ELP4: variants seen among roughly 807,000 people sequenced by gnomAD.
ELP4 encodes the protein elongator acetyltransferase complex subunit 4.
Under a neutral mutation model 48.9 loss-of-function variants are expected in ELP4, and 51 were observed. The observed-to-expected ratio is 1.04, with a 90% CI of 0.83 to 1.32. ELP4 has a LOEUF of 1.32. Ranked by LOEUF, ELP4 falls within the 40% of genes most tolerant of loss-of-function variation. ELP4 has a pLI of 0.00. For missense variants in ELP4, 519 were observed against 514.6 expected (o/e 1.01, Z -0.08); for synonymous variants, 210 against 189.2 (o/e 1.11, Z -0.90).
At chr11:31,653,536 C>T (rs778278172) in intron 9 of ELP4, 1 of 151,622 alleles carries the variant, frequency 6.6e-6, no homozygotes, top group Non-Finnish European at 1.5e-5. Flanking sequence ...TAAACAAAAG[C>T]TTTACTAAGA....
At chr11:31,678,381 C>T (rs975430879) in intron 9 of ELP4, among the ~76,000 whole-genome samples, 8 of 152,070 alleles carry the variant, frequency 5.3e-5, no homozygotes, top group African/African-American at 1.7e-4. Flanking sequence ...CCTAAAAGGT[C>T]AAGGTTGCAG....
intron 5 of ELP4, among the ~76,000 whole-genome samples, chr11:31,610,018 C>T (rs1348253483): frequency 4.6e-5 from 7 of 152,024 alleles, no homozygotes; most frequent in Admixed American, 1.3e-4. Flanking sequence ...TGCACTCCAG[C>T]CTGGGCAAAA....
rs572509835 is a variant in ELP4, at chr11:31,668,350, T to C, written c.1143+18129T>C. Reference sequence around the variant, plus strand: ...AACACCATCACATGAGGCAAAATTATTATATTCCTCAGACTACTTTTTTAC... The same window carrying C: ...AACACCATCACATGAGGCAAAATTACTATATTCCTCAGACTACTTTTTTAC... On this transcript the variant is annotated intron_variant, in intron 9 of 9. Transcript: ENST00000640961. Among the ~76,000 whole-genome samples the C allele has an allele frequency of 5.1e-4, 77 of 152,280 alleles. No homozygotes were observed. The South Asian group carries it at 0.015, about 29-fold the overall frequency.
chr11:31,684,016 A>G (rs1389028925), intron 9 of ELP4, among the ~76,000 whole-genome samples: 1 of 152,164 alleles, frequency 6.6e-6, no homozygotes, highest in African/African-American at 2.4e-5. Flanking sequence ...CTGGCATTCA[A>G]CGATGCTCTG....
rs150285948 is a variant in ELP4, at chr11:31,640,190, A to C, written c.928-7551A>C. 2.5e-4 allele frequency among the ~76,000 whole-genome samples: 38 copies of C among 152,074 alleles called. 1 individual carries two copies. Among genetic ancestry groups the C allele is most frequent in the African/African-American group, 8.9e-4 (37 of 41,534 alleles). On this transcript the variant is annotated intron_variant, in intron 7 of 9. Transcript: ENST00000640961. Reference sequence around the variant, plus strand: ...TTTTACATTATTTTTATCATAAACTATCTTCTATATCACTTTTTGTGTATA... The same window carrying C: ...TTTTACATTATTTTTATCATAAACTCTCTTCTATATCACTTTTTGTGTATA...
intron 2 of ELP4, among the ~76,000 whole-genome samples, chr11:31,529,692 G>T (rs1379079729): frequency 7.2e-5 from 11 of 152,090 alleles, no homozygotes; most frequent in Admixed American, 7.2e-4. Flanking sequence ...TCTCATATAG[G>T]AAAAGGAGGG....
intron 9 of ELP4, among the ~76,000 whole-genome samples, chr11:31,682,443 A>G (rs1436421657): frequency 2.0e-5 from 3 of 152,172 alleles, no homozygotes; most frequent in Admixed American, 6.5e-5. Flanking sequence ...ACATATTCAG[A>G]GTTGACTTCA....
chr11:31,549,734 A>T (rs1338624846), intron 3 of ELP4, among the ~76,000 whole-genome samples: 1 of 152,248 alleles, frequency 6.6e-6, no homozygotes, highest in Non-Finnish European at 1.5e-5. Context: ...CTTGGTACCT[A>T]CCCAAATGTC....
intron 3 of ELP4, among the ~76,000 whole-genome samples, chr11:31,548,937 A>G (rs547948390): frequency 2.0e-3 from 304 of 152,266 alleles, no homozygotes; most frequent in African/African-American, 7.0e-3. Flanking sequence ...AGCCATATGT[A>G]GAAAGCTGAA....
At chr11:31,515,940 C>T (rs761930797) in intron 1 of ELP4, among the ~76,000 whole-genome samples, 1 of 152,088 alleles carries the variant, frequency 6.6e-6, no homozygotes, top group African/African-American at 2.4e-5. Context: ...GAAACCCCGT[C>T]GCTACTAAAA....
chr11:31,758,888 G>A (rs988931918), intron 9 of ELP4, among the ~76,000 whole-genome samples: 5 of 151,912 alleles, frequency 3.3e-5, no homozygotes, highest in African/African-American at 1.2e-4. Flanking sequence ...AGCTGGTCTC[G>A]AAATCCTAAC....
intron 9 of ELP4, among the ~76,000 whole-genome samples, chr11:31,740,963 A>G (rs1478704572): frequency 6.6e-6 from 1 of 152,214 alleles, no homozygotes; most frequent in Non-Finnish European, 1.5e-5. Flanking sequence ...CGGGAAGTGC[A>G]AGGGGTCAGG....
chr11:31,527,720 G>C (rs771587971), intron 2 of ELP4, among the ~76,000 whole-genome samples: 12 of 152,194 alleles, frequency 7.9e-5, no homozygotes, highest in East Asian at 5.8e-4. Context: ...CCTTGCCTCA[G>C]TTCATTATCA....
At chr11:31,520,821 C>T (rs1956201160) in intron 2 of ELP4, among the ~76,000 whole-genome samples, 1 of 151,952 alleles carries the variant, frequency 6.6e-6, no homozygotes, top group Non-Finnish European at 1.5e-5. Context: ...CATTCCTTAA[C>T]CTGGTTTTAT....
chr11:31,765,399 C>G (rs936582421), intron 9 of ELP4, among the ~76,000 whole-genome samples: 18 of 152,028 alleles, frequency 1.2e-4, no homozygotes, highest in African/African-American at 4.1e-4. Context: ...CCTTAAAATG[C>G]CCTAATGCAA....
At chr11:31,669,097 TTTTTATTTTTA>T (rs1026449344) in intron 9 of ELP4, among the ~76,000 whole-genome samples, 3 of 75,144 alleles carry the variant, frequency 4.0e-5, no homozygotes, top group East Asian at 7.5e-4. Flanking sequence ...TTTTATTTTA[TTTTTATTTTTA>T]TTTTATTTTG....
rs909471812 is a variant in ELP4 at position 31,788,280 on chromosome 11, C to T, written c.*4756C>T. 1.6e-4 allele frequency: 35 copies of T among 225,294 alleles called. No individual in the cohort carries two copies. The highest frequency in any genetic ancestry group is 1.5e-3 in the Admixed American group (26 of 17,498). 14.0% of individuals were successfully genotyped at this position (225,294 alleles called of 1,614,324 possible). ...ATGACTGAAGGCCTTTAATTCCCAC[C>T]GGCCAGTCACAGTCTGCTTTGTTGT... On this transcript the variant is annotated 3_prime_UTR_variant, in exon 10 of 10. Transcript: ENST00000640961.
At chr11:31,585,917 T>C (rs1324840997) in intron 3 of ELP4, among the ~76,000 whole-genome samples, 1 of 152,080 alleles carries the variant, frequency 6.6e-6, no homozygotes, top group Admixed American at 6.5e-5. Flanking sequence ...ACACCCTGTC[T>C]CTACAAAAAA....
intron 7 of ELP4, among the ~76,000 whole-genome samples, chr11:31,641,262 A>G (rs1372224877): frequency 2.6e-5 from 4 of 151,908 alleles, no homozygotes; most frequent in South Asian, 2.1e-4. Flanking sequence ...GTTGATTTAT[A>G]TGGTTCATTT....
Sources: gnomAD v4.1 joint callset for allele counts (sites outside exome capture counted in the v4.1 genomes callset) on GRCh38, gnomAD v4.1.1 for gene constraint, MANE v1.5 for transcripts, NCBI Gene and HGNC (gene_info 2026-07-23, HGNC 2026-07-21) for gene names.